WIPF2: variants seen among roughly 807,000 people sequenced by gnomAD.
The protein encoded by WIPF2 is WAS/WASL interacting protein family member 2, also known as WAS/WASL-interacting protein family member 2.
A neutral mutation model predicts 38.8 loss-of-function variants in WIPF2; 23 were observed. The observed-to-expected ratio is 0.59, with a 90% confidence interval of 0.43 to 0.84. The LOEUF (loss-of-function observed/expected upper bound fraction) is 0.84. WIPF2 is among the 40% of genes least tolerant of loss of function. The pLI, the probability that WIPF2 is intolerant of heterozygous loss-of-function variation, is 0.00. For missense variants in WIPF2, 574 were observed against 580.5 expected (o/e 0.99, Z 0.11); for synonymous variants, 210 against 223.2 (o/e 0.94, Z 0.53).
chr17:40,262,217 A>C (rs1484870098), intron 3 of WIPF2, among the ~76,000 whole-genome samples: 1 of 151,176 alleles, frequency 6.6e-6, no homozygotes, highest in Non-Finnish European at 1.5e-5. Flanking sequence ...AGTAGCTGGG[A>C]CTATATAGGC....
chr17:40,266,584 A>C (rs1443732995), intron 5 of WIPF2, among the ~76,000 whole-genome samples: 1 of 152,170 alleles, frequency 6.6e-6, no homozygotes, highest in Non-Finnish European at 1.5e-5. Context: ...AGCAATATAG[A>C]AATCTCTTAA....
intron 1 of WIPF2, among the ~76,000 whole-genome samples, chr17:40,224,772 G>C (rs887967583): frequency 2.0e-5 from 3 of 151,748 alleles, no homozygotes; most frequent in Non-Finnish European, 2.9e-5. Flanking sequence ...CTGTTTCCTG[G>C]GTCAGATAAT....
At chr17:40,243,095 G>T (rs1485890283) in intron 1 of WIPF2, among the ~76,000 whole-genome samples, 1 of 152,142 alleles carries the variant, frequency 6.6e-6, no homozygotes, top group East Asian at 1.9e-4. Flanking sequence ...TTTTAGATGA[G>T]AGGACTCAGC....
At chr17:40,260,212 C>T (rs985673787) in intron 2 of WIPF2, among the ~76,000 whole-genome samples, 3 of 125,918 alleles carry the variant, frequency 2.4e-5, no homozygotes, top group African/African-American at 9.0e-5. Flanking sequence ...TTTGCAGGCA[C>T]ATTCTCGCCC....
intron 1 of WIPF2, among the ~76,000 whole-genome samples, chr17:40,254,912 G>C (rs1245101727): frequency 6.6e-6 from 1 of 151,830 alleles, no homozygotes; most frequent in Non-Finnish European, 1.5e-5. Flanking sequence ...TGCATTTTCA[G>C]TAGACATGGG....
rs199860697 is a variant in WIPF2, at chr17:40,231,731, A to G, written c.-70+12239A>G. On this transcript the variant is annotated intron_variant, in intron 1 of 7. Coordinates refer to ENST00000323571, the MANE Select transcript of WIPF2 (RefSeq NM_133264.5). Reference sequence around the variant, plus strand: ...AGCCACCATGCCTGGCCGCTTTTCTACTTTTATATATGGAGCGTGCAGATG... The same window carrying G: ...AGCCACCATGCCTGGCCGCTTTTCTGCTTTTATATATGGAGCGTGCAGATG... Among the ~76,000 whole-genome samples the G allele has an allele frequency of 2.7e-5, 4 of 150,062 alleles. No homozygotes were observed. In the East Asian group the frequency reaches 6.1e-4, roughly 23 times the overall value.
chr17:40,236,607 CTTT>C (rs56250344), intron 1 of WIPF2, among the ~76,000 whole-genome samples: 2 of 133,478 alleles, frequency 1.5e-5, no homozygotes, highest in Non-Finnish European at 1.6e-5. Context: ...CACTCAGCCT[CTTT>C]TTTTTTTTTT....
At chr17:40,233,697 T>G (rs903242374) in intron 1 of WIPF2, among the ~76,000 whole-genome samples, 3 of 152,126 alleles carry the variant, frequency 2.0e-5, no homozygotes, top group Non-Finnish European at 4.4e-5. Context: ...CCCAGCACTT[T>G]AGGAGGCCGA....
chr17:40,267,645 T>A (rs1384741796), intron 5 of WIPF2, among the ~76,000 whole-genome samples: 1 of 152,144 alleles, frequency 6.6e-6, no homozygotes, highest in African/African-American at 2.4e-5. Context: ...GTTCAAGTGA[T>A]TGTTGTGTCT....
At chr17:40,237,090 C>T (rs920759309) in intron 1 of WIPF2, among the ~76,000 whole-genome samples, 3 of 151,970 alleles carry the variant, frequency 2.0e-5, no homozygotes, top group Non-Finnish European at 4.4e-5. Context: ...TTCAATCTAT[C>T]CTGGGAAATT....
At chr17:40,270,901 T>C (rs1168015499) in intron 5 of WIPF2, among the ~76,000 whole-genome samples, 1 of 152,112 alleles carries the variant, frequency 6.6e-6, no homozygotes, top group Non-Finnish European at 1.5e-5. Context: ...TGTGTGTGTG[T>C]ATGTTATTCT....
chr17:40,247,122 C>CA (rs1187156662), intron 1 of WIPF2, among the ~76,000 whole-genome samples: 1 of 144,490 alleles, frequency 6.9e-6, no homozygotes, highest in Non-Finnish European at 1.5e-5. Flanking sequence ...TCAAAACAAA[C>CA]AAACAAAAAC....
At chr17:40,253,944 T>C (rs896355382) in intron 1 of WIPF2, among the ~76,000 whole-genome samples, 17 of 152,136 alleles carry the variant, frequency 1.1e-4, no homozygotes, top group Non-Finnish European at 2.5e-4. Context: ...TACTGCATTA[T>C]TGACAGAGAG....
At chr17:40,249,254 T>C (rs1455328133) in intron 1 of WIPF2, among the ~76,000 whole-genome samples, 2 of 152,144 alleles carry the variant, frequency 1.3e-5, no homozygotes, top group African/African-American at 4.8e-5. Flanking sequence ...CTAGGATACC[T>C]CTTAGATAAT....
chr17:40,241,330 GA>G (rs2031182942), intron 1 of WIPF2, among the ~76,000 whole-genome samples: 1 of 152,158 alleles, frequency 6.6e-6, no homozygotes, highest in African/African-American at 2.4e-5. Flanking sequence ...CCCTGCTTTA[GA>G]AGGATTCTTT....
At chr17:40,254,287 G>A (rs1286322825) in intron 1 of WIPF2, among the ~76,000 whole-genome samples, 1 of 152,084 alleles carries the variant, frequency 6.6e-6, no homozygotes. Flanking sequence ...AAAGTGTTGG[G>A]ATTACAGGCA....
chr17:40,224,031 T>A (rs1463403712), intron 1 of WIPF2, among the ~76,000 whole-genome samples: 1 of 151,928 alleles, frequency 6.6e-6, no homozygotes, highest in Non-Finnish European at 1.5e-5. Flanking sequence ...ATAGTCTTCT[T>A]ACAACCCCAG....
At position 40,222,654 on chromosome 17, in the gene WIPF2, GTTTTTTTTTTTTTTTT is replaced by G. The variant is rs58758484; in HGVS notation, c.-70+3180_-70+3195del. ...CTGGTTTTGATTTGATGCATATTCA[GTTTTTTTTTTTTTTTT>G]TTTTTTTTTTTTTTTTTGAGACAGA... On this transcript the variant is annotated intron_variant, in intron 1 of 7. Transcript: ENST00000323571. Among the ~76,000 whole-genome samples, 73 of 52,866 alleles carry G rather than the reference GTTTTTTTTTTTTTTTT, an allele frequency of 1.4e-3. 1 individual carries two copies. Among genetic ancestry groups the G allele is most frequent in the African/African-American group, 2.2e-3 (32 of 14,372 alleles). 34.7% of individuals were successfully genotyped at this position (52,866 alleles called of 152,430 possible).
intron 1 of WIPF2, among the ~76,000 whole-genome samples, chr17:40,253,703 G>A (rs1338298658): frequency 5.3e-5 from 8 of 152,262 alleles, no homozygotes; most frequent in African/African-American, 1.9e-4. Flanking sequence ...TTCCCCACAG[G>A]AACCACTTAG....
Sources: allele counts gnomAD v4.1 joint callset (sites outside exome capture counted in the v4.1 genomes callset), GRCh38; gene constraint gnomAD v4.1.1; transcripts MANE v1.5; gene names NCBI Gene and HGNC (gene_info 2026-07-23, HGNC 2026-07-21).